C4orf51: variants seen among roughly 807,000 people sequenced by gnomAD.
The protein encoded by C4orf51 is uncharacterized protein C4orf51.
Under a neutral mutation model 25.2 loss-of-function variants are expected in C4orf51, and 25 were observed. The ratio of observed to expected loss-of-function variants is 0.99; its 90% confidence interval spans 0.72 to 1.39. The LOEUF (loss-of-function observed/expected upper bound fraction) is 1.39. Among genes scored for constraint, C4orf51 ranks in the 40% most tolerant of loss-of-function variants. The pLI is 0.00. For synonymous variants in C4orf51, 100 were observed against 84.5 expected (o/e 1.18, Z -1.01); for missense variants, 252 against 239.6 (o/e 1.05, Z -0.34).
At chr4:145,694,817 T>C (rs946489643) in intron 1 of C4orf51, among the ~76,000 whole-genome samples, 2 of 152,050 alleles carry the variant, frequency 1.3e-5, no homozygotes, top group African/African-American at 2.4e-5. Flanking sequence ...ATAGCACTTA[T>C]CTTATTTTGA....
chr4:145,729,913 C>T lies in C4orf51; in HGVS notation c.449C>T (p.Ala150Val). The change falls in exon 5 of 6, where the codon GCA becomes GTA. Residue 150 changes from alanine to valine, a missense_variant. By Grantham distance (64) the Ala-to-Val change is moderately conservative (BLOSUM62 0). Coordinates refer to ENST00000438731, the MANE Select transcript of C4orf51 (RefSeq NM_001080531.3). Reference sequence around the variant, plus strand: ...CTAGGTGTGAGACCTAAAAAGCCAGCACAGGAGGCCCTGATAAACTACAGT... The same window carrying T: ...CTAGGTGTGAGACCTAAAAAGCCAGTACAGGAGGCCCTGATAAACTACAGT... ...GKYCVRPKKP[A>V]QEALINYSRR... 1 of 1,613,906 alleles carries T rather than the reference C, an allele frequency of 6.2e-7. No individual in the cohort carries two copies. Among genetic ancestry groups the T allele is most frequent in the Non-Finnish European group, 8.5e-7 (1 of 1,179,824 alleles).
chr4:145,772,612 T>C (rs1460509102), downstream of C4orf51, among the ~76,000 whole-genome samples: 1 of 152,214 alleles, frequency 6.6e-6, no homozygotes, highest in Admixed American at 6.5e-5. Flanking sequence ...AGTTGAGTAG[T>C]AGTGACAGAA....
At chr4:145,788,801 A>G in the C4orf51 span, among the ~76,000 whole-genome samples, 3 of 152,212 alleles carry the variant, frequency 2.0e-5, no homozygotes, top group Non-Finnish European at 2.9e-5. Context: ...GAATGTCCCA[A>G]TGTTGAGGCC....
At chr4:145,714,141 C>A (rs570195724) in intron 2 of C4orf51, among the ~76,000 whole-genome samples, 1 of 152,308 alleles carries the variant, frequency 6.6e-6, no homozygotes, top group African/African-American at 2.4e-5. Context: ...ATAGGGTAAA[C>A]ATAACTTCTA....
At chr4:145,760,846 C>T in intron 1 of C4orf51, 1 of 1,207,026 alleles carries the variant, frequency 8.3e-7, no homozygotes, top group Non-Finnish European at 1.1e-6. Flanking sequence ...TGAGGGGATG[C>T]TGGGAGGCGC....
intron 1 of C4orf51, among the ~76,000 whole-genome samples, chr4:145,681,937 A>G (rs1184267814): frequency 6.6e-6 from 1 of 152,214 alleles, no homozygotes; most frequent in Non-Finnish European, 1.5e-5. Context: ...AAACCATAAC[A>G]GGAGTCTTTA....
At chr4:145,737,324 A>G (rs550677721), downstream of C4orf51, among the ~76,000 whole-genome samples, 2 of 152,228 alleles carry the variant, frequency 1.3e-5, no homozygotes, top group African/African-American at 4.8e-5. Context: ...CTGACAATTT[A>G]TAGGAAAGCA....
chr4:145,790,200 T>C, the C4orf51 span, among the ~76,000 whole-genome samples: 3 of 152,192 alleles, frequency 2.0e-5, no homozygotes, highest in Non-Finnish European at 4.4e-5. Context: ...CTATAAAATA[T>C]GGGCACATAT....
At chr4:145,720,219 G>A (rs942532670) in intron 2 of C4orf51, among the ~76,000 whole-genome samples, 1 of 152,064 alleles carries the variant, frequency 6.6e-6, no homozygotes, top group Non-Finnish European at 1.5e-5. Context: ...GGAGCAATGG[G>A]CACCTCCCCC....
At chr4:145,686,544 ATAT>A (rs1729166816) in intron 1 of C4orf51, among the ~76,000 whole-genome samples, 1 of 152,158 alleles carries the variant, frequency 6.6e-6, no homozygotes, top group African/African-American at 2.4e-5. Flanking sequence ...TACATTCTGT[ATAT>A]TCACTGCTTG....
chr4:145,709,001 G>C (rs1310445388), intron 2 of C4orf51, among the ~76,000 whole-genome samples: 1 of 152,196 alleles, frequency 6.6e-6, no homozygotes, highest in Non-Finnish European at 1.5e-5. Flanking sequence ...GAAGTGATTA[G>C]AGTAATGGAG....
intron 1 of C4orf51, among the ~76,000 whole-genome samples, chr4:145,753,200 C>A (rs149610922): frequency 6.8e-6 from 1 of 146,348 alleles, no homozygotes; most frequent in East Asian, 2.0e-4. Context: ...TTTGGTGTTT[C>A]TGGTGGGGGA....
intron 3 of C4orf51, among the ~76,000 whole-genome samples, chr4:145,727,895 GTATATATA>G (rs35521926): frequency 1.9e-4 from 19 of 101,614 alleles, no homozygotes; most frequent in Non-Finnish European, 2.4e-4. Flanking sequence ...AAAAAAATGT[GTATATATA>G]TATATATATA....
Position 145,729,980 on chromosome 4 carries a change from A to G in C4orf51, c.501+15A>G, listed in dbSNP as rs1732370686. On this transcript the variant is annotated intron_variant, in intron 5 of 5. Coordinates refer to ENST00000438731, the MANE Select transcript of C4orf51 (RefSeq NM_001080531.3). ...TCCTAAAGCATGTAAGAATCTTTTT[A>G]CTTGCCATGCAACAGTGGATCTGTG... 6.2e-7 allele frequency: 1 copy of G among 1,611,574 alleles called. No individual in the cohort carries two copies.
chr4:145,776,924 A>G, the C4orf51 span, among the ~76,000 whole-genome samples: 13 of 152,354 alleles, frequency 8.5e-5, no homozygotes, highest in South Asian at 2.7e-3. Flanking sequence ...AATTCGTTTG[A>G]TTAATCAAGC....
chr4:145,711,110 TA>T (rs1731106444), intron 2 of C4orf51, among the ~76,000 whole-genome samples: 1 of 152,148 alleles, frequency 6.6e-6, no homozygotes, highest in African/African-American at 2.4e-5. Flanking sequence ...TCTACAAATG[TA>T]ATCATTTATT....
intron 3 of C4orf51, 60 bp from the exon 4 acceptor site, chr4:145,729,109 T>C: frequency 8.6e-7 from 1 of 1,157,914 alleles, no homozygotes; most frequent in Non-Finnish European, 1.3e-6. Context: ...AAATGAATTT[T>C]ATTAGATTTC....
intron 2 of C4orf51, among the ~76,000 whole-genome samples, chr4:145,708,377 C>T (rs534571426): frequency 3.9e-5 from 6 of 152,176 alleles, no homozygotes; most frequent in South Asian, 2.1e-4. Flanking sequence ...GAGATCTTTC[C>T]GTTTGGGGAG....
At chr4:145,742,787 G>A (rs1367748212) in intron 1 of C4orf51, among the ~76,000 whole-genome samples, 1 of 152,014 alleles carries the variant, frequency 6.6e-6, no homozygotes, top group Non-Finnish European at 1.5e-5. Flanking sequence ...TGATCTACCC[G>A]CCTCGGCCTC....
Sources: allele counts gnomAD v4.1 joint callset (sites outside exome capture counted in the v4.1 genomes callset), GRCh38; gene constraint gnomAD v4.1.1; transcripts MANE v1.5; gene names NCBI Gene and HGNC (gene_info 2026-07-23, HGNC 2026-07-21).